MAP4K4: variants seen among roughly 807,000 people sequenced by gnomAD.
The protein encoded by MAP4K4 is mitogen-activated protein kinase kinase kinase kinase 4.
MAP4K4 carries 38 observed loss-of-function variants against 189.6 expected under a neutral mutation model. That is an observed-to-expected ratio of 0.20 (90% CI 0.15 to 0.26). MAP4K4 has a LOEUF of 0.26. Ranked by LOEUF, MAP4K4 falls within the 10% of genes least tolerant of loss-of-function variation. The probability of loss-of-function intolerance (pLI) is 1.00; values close to 1 mark genes in which losing one functional copy is unlikely to be tolerated. For synonymous variants in MAP4K4, 610 were observed against 624.3 expected, an observed-to-expected ratio of 0.98 and a Z score of 0.34; for missense variants, 1,054 against 1,726.9, an observed-to-expected ratio of 0.61 and a Z score of 6.91.
intron 24 of MAP4K4, among the ~76,000 whole-genome samples, chr2:101,872,496 C>T (rs768426136): frequency 6.6e-6 from 1 of 152,018 alleles, no homozygotes; most frequent in African/African-American, 2.4e-5. Context: ...CTTGAGCACC[C>T]GTATTGAATT....
chr2:101,878,238 C>T (rs536504607), intron 27 of MAP4K4, among the ~76,000 whole-genome samples: 6 of 152,276 alleles, frequency 3.9e-5, no homozygotes, highest in African/African-American at 1.2e-4. Flanking sequence ...GGGAAAAAAT[C>T]TGCATAAAAA....
At position 101,856,151 on chromosome 2, in the gene MAP4K4, A is replaced by G. The variant is rs372108994; in HGVS notation, c.1395+13A>G. Reference sequence around the variant, plus strand: ...TGAAAGAGAACAGGTTAGTTCACAGATAACATAGCAGGCATACACTTGTGA... The same window carrying G: ...TGAAAGAGAACAGGTTAGTTCACAGGTAACATAGCAGGCATACACTTGTGA... On this transcript the variant is annotated intron_variant, in intron 13 of 32. Transcript: ENST00000324219. 6.5e-7 allele frequency: 1 copy of G among 1,548,052 alleles called. No homozygotes were observed. The highest frequency in any genetic ancestry group is 8.7e-7 in the Non-Finnish European group (1 of 1,146,114).
chr2:101,883,314 C>G (rs1038044484), intron 28 of MAP4K4, among the ~76,000 whole-genome samples: 2 of 152,250 alleles, frequency 1.3e-5, no homozygotes, highest in East Asian at 3.9e-4. Context: ...GAAGTAAAAT[C>G]TCACAGGAAC....
intron 2 of MAP4K4, among the ~76,000 whole-genome samples, chr2:101,743,656 A>C (rs1289280324): frequency 6.6e-6 from 1 of 151,940 alleles, no homozygotes; most frequent in Non-Finnish European, 1.5e-5. Context: ...AGCAGATAAC[A>C]CTTTCTTTTT....
At chr2:101,707,700 T>G (rs894539897) in intron 2 of MAP4K4, among the ~76,000 whole-genome samples, 9 of 119,620 alleles carry the variant, frequency 7.5e-5, no homozygotes, top group African/African-American at 1.9e-4. Context: ...TTTGTTTTTT[T>G]TTTTTTTTGA....
chr2:101,707,976 C>T (rs983014008), intron 2 of MAP4K4, among the ~76,000 whole-genome samples: 17 of 151,584 alleles, frequency 1.1e-4, no homozygotes, highest in African/African-American at 4.1e-4. Context: ...GCTGGGATTA[C>T]AGGTGTGAGC....
At chr2:101,789,819 A>G (rs542793627) in intron 2 of MAP4K4, among the ~76,000 whole-genome samples, 1 of 152,272 alleles carries the variant, frequency 6.6e-6, no homozygotes, top group South Asian at 2.1e-4. Context: ...GTAGAGAGTA[A>G]CAAGACTGAC....
chr2:101,745,881 T>G (rs543568073), intron 2 of MAP4K4, among the ~76,000 whole-genome samples: 22 of 152,116 alleles, frequency 1.4e-4, no homozygotes, highest in Non-Finnish European at 2.2e-4. Context: ...CTACTGAGCT[T>G]CTTACTTGTA....
intron 2 of MAP4K4, among the ~76,000 whole-genome samples, chr2:101,765,013 A>G (rs6706903): frequency 0.019 from 2,961 of 152,334 alleles, 95 homozygotes; most frequent in African/African-American, 0.067. Flanking sequence ...AAAAATGTTA[A>G]TCAGAATTTA....
At chr2:101,805,617 G>A (rs904936680) in intron 3 of MAP4K4, among the ~76,000 whole-genome samples, 1 of 152,228 alleles carries the variant, frequency 6.6e-6, no homozygotes, top group African/African-American at 2.4e-5. Context: ...ATGCTGAGGT[G>A]CAGGTTATAG....
Position 101,764,826 on chromosome 2 carries a change from CTT to C in MAP4K4, c.124-25893_124-25892del, listed in dbSNP as rs1459150785. On this transcript the variant is annotated intron_variant, in intron 2 of 32. Transcript: ENST00000324219. ...ATTTCCCTTTTCTCCTGCATTCTCT[CTT>C]GTTTATAAACATATCCCTTGAAATC... is the stretch of plus-strand genomic sequence containing the variant. 3.3e-5 allele frequency among the ~76,000 whole-genome samples: 5 copies of C among 152,248 alleles called. No individual in the cohort carries two copies. The East Asian group carries it at 5.8e-4, about 18-fold the overall frequency.
intron 3 of MAP4K4, among the ~76,000 whole-genome samples, chr2:101,796,124 T>C (rs6543095): frequency 0.22 from 33,022 of 152,174 alleles, 8,227 homozygotes; most frequent in African/African-American, 0.61. Flanking sequence ...AGCAGAGCTG[T>C]ATCCAATCTA....
At chr2:101,784,618 G>A (rs564476879) in intron 2 of MAP4K4, among the ~76,000 whole-genome samples, 11 of 152,138 alleles carry the variant, frequency 7.2e-5, no homozygotes, top group Non-Finnish European at 1.2e-4. Flanking sequence ...GTGAATGTGT[G>A]TACACATGCC....
chr2:101,731,189 T>A (rs1311681488), intron 2 of MAP4K4, among the ~76,000 whole-genome samples: 2 of 151,876 alleles, frequency 1.3e-5, no homozygotes, highest in Admixed American at 1.3e-4. Context: ...CGATCTCGGC[T>A]CACTGCAACC....
At chr2:101,787,692 G>A (rs894003801) in intron 2 of MAP4K4, among the ~76,000 whole-genome samples, 7 of 152,078 alleles carry the variant, frequency 4.6e-5, no homozygotes, top group African/African-American at 9.7e-5. Flanking sequence ...ATTGAGTCCC[G>A]GCTTTAGTTT....
At chr2:101,878,958 T>TA (rs2098292883) in intron 27 of MAP4K4, among the ~76,000 whole-genome samples, 1 of 152,162 alleles carries the variant, frequency 6.6e-6, no homozygotes, top group Non-Finnish European at 1.5e-5. Flanking sequence ...AGAGTGCTGA[T>TA]GGATGGTAGT....
At position 101,794,928 on chromosome 2, in the gene MAP4K4, C is replaced by G. The variant is rs549187158; in HGVS notation, c.180+4152C>G. 5.3e-5 allele frequency among the ~76,000 whole-genome samples: 8 copies of G among 152,088 alleles called. No individual in the cohort carries two copies. The East Asian group carries it at 1.5e-3, about 29-fold the overall frequency. ...TCCTCATGTTATGCTTTAACTTGTT[C>G]CTTTCTCTCCTATATTTCCTGTAGA... is the stretch of plus-strand genomic sequence containing the variant. On this transcript the variant is annotated intron_variant, in intron 3 of 32. Transcript: ENST00000324219.
intron 2 of MAP4K4, among the ~76,000 whole-genome samples, chr2:101,790,509 T>A (rs1338387985): frequency 5.3e-5 from 8 of 152,232 alleles, no homozygotes; most frequent in Admixed American, 5.2e-4. Flanking sequence ...CAAAAACTCA[T>A]TTGTTCATCG....
At chr2:101,859,056 C>T in exon 14 of MAP4K4, 2 of 1,611,894 alleles carry the variant, frequency 1.2e-6, no homozygotes, top group Non-Finnish European at 1.7e-6. Context: ...TCAGCAGCAG[C>T]TGCTCCAGGA....
Sources: gnomAD v4.1 joint callset for allele counts (sites outside exome capture counted in the v4.1 genomes callset) on GRCh38, gnomAD v4.1.1 for gene constraint, MANE v1.5 for transcripts, NCBI Gene and HGNC (gene_info 2026-07-23, HGNC 2026-07-21) for gene names.